MBP: variants seen among roughly 807,000 people sequenced by gnomAD.
MBP encodes myelin basic protein, also known as Golli-MBP.
A neutral mutation model predicts 35.8 loss-of-function variants in MBP; 16 were observed. The observed-to-expected ratio is 0.45, with a 90% CI of 0.30 to 0.68. The LOEUF is 0.68. MBP is among the 30% of genes least tolerant of loss of function. The pLI is 0.08. For missense variants in MBP, 380 were observed against 404.7 expected, an observed-to-expected ratio of 0.94 and a Z score of 0.52; for synonymous variants, 143 against 159.6, an observed-to-expected ratio of 0.90 and a Z score of 0.78.
intron 2 of MBP, among the ~76,000 whole-genome samples, chr18:77,099,669 G>A (rs755899107): frequency 1.3e-5 from 2 of 152,236 alleles, no homozygotes; most frequent in African/African-American, 4.8e-5. Context: ...CCAGCTCTGC[G>A]ACTCAGTGCC....
At chr18:77,031,324 C>T (rs912572001) in intron 3 of MBP, among the ~76,000 whole-genome samples, 86 of 152,206 alleles carry the variant, frequency 5.7e-4, no homozygotes, top group African/African-American at 2.1e-3. Context: ...TGTGAGCATG[C>T]CCGCCCTGCT....
intron 3 of MBP, among the ~76,000 whole-genome samples, chr18:77,025,743 C>T (rs994433132): frequency 5.6e-5 from 7 of 124,030 alleles, no homozygotes; most frequent in East Asian, 5.5e-4. Context: ...GCATGTTTCT[C>T]GTGCTCCATT....
At chr18:76,985,758 C>T in intron 7 of MBP, 1 of 1,002,042 alleles carries the variant, frequency 1.0e-6, no homozygotes, top group Non-Finnish European at 1.2e-6. Context: ...CTTCAGTTTC[C>T]TCATCTACGC....
At chr18:77,119,622 A>G (rs1321690470) in intron 1 of MBP, among the ~76,000 whole-genome samples, 6 of 152,124 alleles carry the variant, frequency 3.9e-5, no homozygotes, top group African/African-American at 1.4e-4. Context: ...ACACAGCTCA[A>G]CACCCTCCAT....
rs1490958412 is a variant in MBP, at chr18:76,980,416, C to T, written c.*11G>A. 6.2e-7 allele frequency: 1 copy of T among 1,612,436 alleles called. No individual in the cohort carries two copies. On this transcript the variant is annotated 3_prime_UTR_variant, in exon 9 of 9. Coordinates refer to ENST00000355994, the MANE Select transcript of MBP (RefSeq NM_001025101.2). ...GAAGCTGAGGACAGGATTCCGGAAC[C>T]AGGTGGGTTTTCAGCGTCTAGCCAT...
intron 3 of MBP, among the ~76,000 whole-genome samples, chr18:77,054,529 C>G (rs548262589): frequency 6.6e-6 from 1 of 152,302 alleles, no homozygotes; most frequent in East Asian, 1.9e-4. Context: ...AGGGATGGAT[C>G]AGGATGGAGG....
At chr18:77,012,935 T>G (rs1971431768) in intron 4 of MBP, 5 of 985,418 alleles carry the variant, frequency 5.1e-6, no homozygotes, top group South Asian at 4.7e-5. Flanking sequence ...AATGTATCGC[T>G]TATACAGAGG....
At chr18:77,026,125 T>C (rs900892469) in intron 3 of MBP, among the ~76,000 whole-genome samples, 5 of 152,248 alleles carry the variant, frequency 3.3e-5, no homozygotes, top group African/African-American at 1.2e-4. Context: ...CTTCCAATGC[T>C]TCTGGTCAGG....
At position 76,988,271 on chromosome 18, in the gene MBP, G is replaced by A. The variant is rs1489982331; in HGVS notation, c.750+224C>T. 1 of 1,550,984 alleles carries A rather than the reference G, an allele frequency of 6.4e-7. No individual in the cohort carries two copies. The highest frequency in any genetic ancestry group is 8.7e-7 in the Non-Finnish European group (1 of 1,147,166). On this transcript the variant is annotated intron_variant, in intron 7 of 8. Coordinates refer to ENST00000355994, the MANE Select transcript of MBP (RefSeq NM_001025101.2). This position sits in a 1 kb window ranked among gnomAD's most constrained non-coding sequence, Gnocchi z 5.2. ...AGAGGATCTGGCCTTGCAGGGCTGG[G>A]TCCCCGGCACAGAAGCAAGAGACCA...
intron 4 of MBP, among the ~76,000 whole-genome samples, chr18:76,999,528 T>G (rs1245158564): frequency 2.0e-5 from 3 of 151,928 alleles, no homozygotes; most frequent in African/African-American, 7.3e-5. Flanking sequence ...TGATCTTGGC[T>G]CACTGCAACC....
intron 3 of MBP, among the ~76,000 whole-genome samples, chr18:77,025,705 C>CTTTTTTTTTTTTTTTTTTTTTTT (rs540022394): frequency 9.2e-6 from 1 of 108,830 alleles, no homozygotes; most frequent in African/African-American, 4.1e-5. Context: ...TATTGAAATA[C>CTTTTTTTTTTTTTTTTTTTTTTT]TTTTTTTTTT....
chr18:77,063,519 C>T (rs746755757), intron 3 of MBP, among the ~76,000 whole-genome samples: 3 of 152,148 alleles, frequency 2.0e-5, no homozygotes, highest in Non-Finnish European at 4.4e-5. Context: ...ACTGCTTCCT[C>T]GGCACACTCA....
intron 3 of MBP, among the ~76,000 whole-genome samples, chr18:77,063,305 C>G (rs777512482): frequency 1.3e-5 from 2 of 152,110 alleles, no homozygotes; most frequent in Non-Finnish European, 2.9e-5. Context: ...TAGCAAAAGC[C>G]CCACAGTTCA....
At chr18:77,082,921 A>G (rs72990943) in intron 2 of MBP, among the ~76,000 whole-genome samples, 1,758 of 126,096 alleles carry the variant, frequency 0.014, 12 homozygotes, top group South Asian at 0.028. Flanking sequence ...ATTTAAGGAG[A>G]CTAACTATTC....
Position 77,044,951 on chromosome 18 carries a change from G to A in MBP, c.139+21347C>T, listed in dbSNP as rs1973172449. Among the ~76,000 whole-genome samples the A allele has an allele frequency of 8.2e-6, 1 of 122,660 alleles. No homozygotes were observed. The highest frequency in any genetic ancestry group is 1.8e-5 in the Non-Finnish European group (1 of 57,054). 80.5% of individuals were successfully genotyped at this position (122,660 alleles called of 152,430 possible). ...TCTGTGAGAGAACATGAGTGTGTGTGTGTAAGTGTGGTGTGTGAGTGTGGA... is the reference window on the plus strand; with the variant it reads ...TCTGTGAGAGAACATGAGTGTGTGTATGTAAGTGTGGTGTGTGAGTGTGGA... On this transcript the variant is annotated intron_variant, in intron 3 of 8. Coordinates refer to ENST00000355994, the MANE Select transcript of MBP (RefSeq NM_001025101.2). This position sits in a 1 kb window ranked among gnomAD's most constrained non-coding sequence, Gnocchi z 4.4.
At chr18:77,025,705 CTTTTTTT>C (rs540022394) in intron 3 of MBP, among the ~76,000 whole-genome samples, 3 of 108,830 alleles carry the variant, frequency 2.8e-5, no homozygotes, top group African/African-American at 1.2e-4. Context: ...TATTGAAATA[CTTTTTTT>C]TTTTTTTTTT....
intron 2 of MBP, among the ~76,000 whole-genome samples, chr18:77,086,876 A>G (rs1975256147): frequency 6.6e-6 from 1 of 152,252 alleles, no homozygotes; most frequent in South Asian, 2.1e-4. Context: ...GTCAAAAGGA[A>G]GCAGTATACG....
At chr18:76,985,658 G>A (rs1969510587) in intron 7 of MBP, 2 of 1,058,254 alleles carry the variant, frequency 1.9e-6, no homozygotes, top group South Asian at 3.0e-5. Flanking sequence ...CAGCGGGACA[G>A]CGTCTCAGCT....
intron 8 of MBP, chr18:76,983,647 C>G (rs1241209057): frequency 6.6e-6 from 1 of 152,232 alleles, no homozygotes; most frequent in Non-Finnish European, 1.5e-5. Flanking sequence ...TCCCTGCTCA[C>G]TTCACATATT....
Sources: gnomAD v4.1 joint callset for allele counts (sites outside exome capture counted in the v4.1 genomes callset) on GRCh38, gnomAD v4.1.1 for gene constraint, Gnocchi (gnomAD v3.1) non-coding constraint, MANE v1.5 for transcripts, NCBI Gene and HGNC (gene_info 2026-07-23, HGNC 2026-07-21) for gene names.